The following KMO variants were observed in gnomAD, a reference collection of about 807,000 sequenced individuals.
The protein encoded by KMO is kynurenine 3-monooxygenase, also known as kynurenine 3-hydroxylase.
A neutral mutation model predicts 57.8 loss-of-function variants in KMO; 24 were observed. The observed-to-expected ratio is 0.42, with a 90% CI of 0.30 to 0.58. The LOEUF is 0.58. KMO is among the 20% of genes least tolerant of loss of function. The pLI is 0.22. For synonymous variants in KMO, 210 were observed against 193.6 expected, an observed-to-expected ratio of 1.08 and a Z score of -0.70; for missense variants, 483 against 588.2, an observed-to-expected ratio of 0.82 and a Z score of 1.85.
chr1:241,581,930 C>T (rs1416967310), intron 10 of KMO, among the ~76,000 whole-genome samples: 1 of 152,038 alleles, frequency 6.6e-6, no homozygotes, highest in Non-Finnish European at 1.5e-5. Context: ...GAAGATCTCC[C>T]TTGAGTATTT....
Position 241,565,002 on chromosome 1 carries a change from A to G in KMO, c.631A>G (p.Asn211Asp). Reference sequence around the variant, plus strand: ...TTTTCTGCAGTATGCCATGGAACCTAATTATCTGCATATTTGGCCTAGAAA... The same window carrying G: ...TTTTCTGCAGTATGCCATGGAACCTGATTATCTGCATATTTGGCCTAGAAA... ...PKNGDYAMEP[N>D]YLHIWPRNTF... The change falls in exon 8 of 15, where the codon AAT becomes GAT. Residue 211 changes from asparagine (N) to aspartate (D), a missense_variant. This residue lies in a region of KMO where 410 missense variants were observed against 492.3 expected (regional missense o/e 0.83). Transcript: ENST00000366559. The G allele has an allele frequency of 6.2e-7, 1 of 1,605,196 alleles. No individual in the cohort carries two copies. Among genetic ancestry groups the G allele is most frequent in the Non-Finnish European group, 8.5e-7 (1 of 1,172,234 alleles).
chr1:241,546,077 C>A (rs1661137590), intron 1 of KMO, among the ~76,000 whole-genome samples: 1 of 152,066 alleles, frequency 6.6e-6, no homozygotes, highest in Admixed American at 6.6e-5. Context: ...TACCAGCAAT[C>A]AAAAATTAAT....
chr1:241,538,201 T>G (rs1424568048), intron 1 of KMO, among the ~76,000 whole-genome samples: 1 of 152,180 alleles, frequency 6.6e-6, no homozygotes, highest in Non-Finnish European at 1.5e-5. Context: ...GGTGAGGTTT[T>G]TGGCCTTCTG....
rs143945653 is a variant in KMO, at chr1:241,554,155, T to A, written c.313-1457T>A. On this transcript the variant is annotated intron_variant, in intron 4 of 14. Coordinates refer to ENST00000366559, the MANE Select transcript of KMO (RefSeq NM_003679.5). The stretch of plus-strand genomic sequence containing the variant: ...ATATTAAAAATTAGATTTTATGGGT[T>A]CATTGGTATAAAGATTAATAAAATC... Among the ~76,000 whole-genome samples the A allele has an allele frequency of 3.8e-3, 582 of 152,310 alleles. 3 individuals carry two copies. Among genetic ancestry groups the A allele is most frequent in the African/African-American group, 0.013 (537 of 41,564 alleles).
At chr1:241,561,241 T>C (rs1661823907) in intron 6 of KMO, among the ~76,000 whole-genome samples, 1 of 152,194 alleles carries the variant, frequency 6.6e-6, no homozygotes, top group South Asian at 2.1e-4. Context: ...TAAATCCTTA[T>C]AGAAGCTCAA....
intron 10 of KMO, among the ~76,000 whole-genome samples, chr1:241,570,089 TCTGA>T (rs1197314298): frequency 2.0e-5 from 3 of 152,130 alleles, no homozygotes; most frequent in Non-Finnish European, 4.4e-5. Flanking sequence ...TTCGTTATCT[TCTGA>T]CTGAGTTTGA....
Position 241,592,795 on chromosome 1 carries a change from T to TATCTATCTATC in KMO, c.*646_*647insATCTATCATCT, listed in dbSNP as rs1338610927. 6.5e-6 allele frequency: 1 copy of TATCTATCTATC among 154,370 alleles called. No individual in the cohort carries two copies. Among genetic ancestry groups the TATCTATCTATC allele is most frequent in the South Asian group, 2.0e-4 (1 of 4,992 alleles). 9.6% of individuals were successfully genotyped at this position (154,370 alleles called of 1,614,324 possible). A position where few individuals can be genotyped will look rare whatever the true frequency, so the allele number is the denominator to read the frequency against. ...CTATCTATCTATCTATCTATCTATC[T>TATCTATCTATC]ATCTCTATTTATTTATGTATTTAGA... is the stretch of plus-strand genomic sequence containing the variant. On this transcript the variant is annotated 3_prime_UTR_variant, in exon 15 of 15. Transcript: ENST00000366559.
chr1:241,571,442 A>G (rs1308760210), intron 10 of KMO, among the ~76,000 whole-genome samples: 2 of 152,142 alleles, frequency 1.3e-5, no homozygotes, highest in Non-Finnish European at 2.9e-5. Context: ...AGCTTTTATC[A>G]TGTTGAGATA....
intron 1 of KMO, among the ~76,000 whole-genome samples, chr1:241,533,084 T>A (rs1351282572): frequency 6.6e-6 from 1 of 152,254 alleles, no homozygotes; most frequent in African/African-American, 2.4e-5. Context: ...ACTGAGCACG[T>A]GACGTAAAGG....
Position 241,549,202 on chromosome 1 carries a change from GAAGAAAGAAAGAAAGAAAGA to G in KMO, c.124+352_124+371del, listed in dbSNP as rs71570903. On this transcript the variant is annotated intron_variant, in intron 2 of 14. Coordinates refer to ENST00000366559, the MANE Select transcript of KMO (RefSeq NM_003679.5). The stretch of plus-strand genomic sequence containing the variant: ...AAAGAGAGAGAGAGAGAAAGAAAAG[GAAGAAAGAAAGAAAGAAAGA>G]AAGAAAGAAAGAAAGAAAGAAAGAA... 8.7e-3 allele frequency among the ~76,000 whole-genome samples: 173 copies of G among 19,952 alleles called. 3 individuals carry two copies. The highest frequency in any genetic ancestry group is 0.026 in the African/African-American group (163 of 6,300). 13.1% of individuals were successfully genotyped at this position (19,952 alleles called of 152,430 possible).
rs764660452 is a variant in KMO, at chr1:241,594,578, T to A, written c.*2425T>A. The A allele has an allele frequency of 2.5e-6, 4 of 1,614,156 alleles. No homozygotes were observed. The highest frequency in any genetic ancestry group is 3.3e-5 in the Admixed American group (2 of 60,010). On this transcript the variant is annotated 3_prime_UTR_variant, in exon 15 of 15. Transcript: ENST00000366559. ...TCTTTGGCCTGTCCCCATCTTTCTG[T>A]GACATCACAATGGGTCTGATCTGCA...
chr1:241,534,955 A>G (rs1660705404), intron 1 of KMO, among the ~76,000 whole-genome samples: 1 of 151,618 alleles, frequency 6.6e-6, no homozygotes, highest in African/African-American at 2.4e-5. Context: ...ATCGGAAATT[A>G]CACACTTTGG....
chr1:241,590,324 T>A, intron 14 of KMO, 61 bp downstream of exon 14: 1 of 1,291,786 alleles, frequency 7.7e-7, no homozygotes, highest in Non-Finnish European at 1.1e-6. Flanking sequence ...CATAGTATTA[T>A]GATTATGTTT....
chr1:241,539,919 T>C (rs1267196370), intron 1 of KMO, among the ~76,000 whole-genome samples: 1 of 152,196 alleles, frequency 6.6e-6, no homozygotes, highest in East Asian at 1.9e-4. Flanking sequence ...CAATTGTCTA[T>C]AATGCTAAAG....
At chr1:241,573,178 C>T (rs1007971742) in intron 10 of KMO, among the ~76,000 whole-genome samples, 10 of 151,942 alleles carry the variant, frequency 6.6e-5, no homozygotes, top group South Asian at 2.1e-4. Flanking sequence ...TTTGTAGAGA[C>T]GTTTTGCCCT....
At chr1:241,577,388 T>A (rs1662562534) in intron 10 of KMO, among the ~76,000 whole-genome samples, 1 of 152,262 alleles carries the variant, frequency 6.6e-6, no homozygotes, top group African/African-American at 2.4e-5. Flanking sequence ...TTAAATTTAT[T>A]TTTGATTCAA....
At chr1:241,548,804 T>A (rs377396383) in intron 1 of KMO, 25 bp from the exon 2 acceptor site, 1 of 1,427,796 alleles carries the variant, frequency 7.0e-7, no homozygotes, top group Non-Finnish European at 9.8e-7. Flanking sequence ...ATCAGATAAA[T>A]ATTTAATTTT....
intron 10 of KMO, among the ~76,000 whole-genome samples, chr1:241,581,346 T>C (rs1214829562): frequency 6.6e-6 from 1 of 152,148 alleles, no homozygotes; most frequent in Non-Finnish European, 1.5e-5. Flanking sequence ...ATGATAGGTA[T>C]GGACTTACTG....
At chr1:241,561,790 A>G (rs1661851493) in intron 6 of KMO, among the ~76,000 whole-genome samples, 1 of 152,040 alleles carries the variant, frequency 6.6e-6, no homozygotes, top group South Asian at 2.1e-4. Flanking sequence ...TTCTTCTAAT[A>G]CCTGTGCTCA....
Sources: gnomAD v4.1 joint callset for allele counts (sites outside exome capture counted in the v4.1 genomes callset) on GRCh38, gnomAD v4.1.1 for gene constraint, gnomAD v4.1.1 regional missense constraint, MANE v1.5 for transcripts, NCBI Gene and HGNC (gene_info 2026-07-23, HGNC 2026-07-21) for gene names.